Variants in MRTFB observed in about 807,000 individuals in gnomAD.
MRTFB encodes the protein myocardin-related transcription factor B.
MRTFB carries 29 observed loss-of-function variants against 104.2 expected under a neutral mutation model. That is an observed-to-expected ratio of 0.28 (90% CI 0.21 to 0.38). The LOEUF is 0.38. Among genes scored for constraint, MRTFB ranks in the 10% least tolerant of loss-of-function variants. The pLI is 1.00. For missense variants in MRTFB, 1,270 were observed against 1,341.6 expected, an observed-to-expected ratio of 0.95 and a Z score of 0.83; for synonymous variants, 535 against 519.5, an observed-to-expected ratio of 1.03 and a Z score of -0.41.
intron 10 of MRTFB, among the ~76,000 whole-genome samples, chr16:14,244,949 G>A (rs932317283): frequency 2.6e-5 from 4 of 152,162 alleles, no homozygotes; most frequent in Non-Finnish European, 4.4e-5. Context: ...ACTATCCTGA[G>A]TGTTTTTCTG....
At chr16:14,003,636 GCCTGCCTCCCTCCCTCCCTC>G in the MRTFB span, among the ~76,000 whole-genome samples, 2 of 31,572 alleles carry the variant, frequency 6.3e-5, no homozygotes, top group East Asian at 5.7e-4. Flanking sequence ...CTGCCTGCCT[GCCTGCCTCCCTCCCTCCCTC>G]CCTCCCTCCC....
intron 3 of MRTFB, among the ~76,000 whole-genome samples, chr16:14,186,002 C>T (rs895678254): frequency 1.3e-5 from 2 of 152,128 alleles, no homozygotes; most frequent in Non-Finnish European, 1.5e-5. Context: ...CATTGGTTTA[C>T]TCTGTTATGA....
At position 14,260,881 on chromosome 16, in the gene MRTFB, T is replaced by A. The variant is rs529375329; in HGVS notation, c.2765-28T>A. On this transcript the variant is annotated intron_variant, in intron 16 of 16. Coordinates refer to ENST00000571589, the MANE Select transcript of MRTFB (RefSeq NM_001308142.2). ...TTTTAAGTAGTAGTAAATCTTCAGT[T>A]ACTAATTACTTCATTTATTTTACAC... 3 of 1,553,298 alleles carry A rather than the reference T, an allele frequency of 1.9e-6. No homozygotes were observed. The South Asian group carries it at 3.7e-5, about 19-fold the overall frequency.
the MRTFB span, among the ~76,000 whole-genome samples, chr16:14,040,014 C>T: frequency 6.6e-6 from 1 of 152,148 alleles, no homozygotes; most frequent in Non-Finnish European, 1.5e-5. Context: ...TCCCAAAGTG[C>T]TGGGATTATA....
chr16:14,019,212 G>A, the MRTFB span: 9 of 152,286 alleles, frequency 5.9e-5, no homozygotes, highest in East Asian at 1.9e-4. Flanking sequence ...TTTCCACCCC[G>A]TTGATTCCTG....
intron 2 of MRTFB, among the ~76,000 whole-genome samples, chr16:14,101,689 A>C (rs2035709901): frequency 6.6e-6 from 1 of 152,244 alleles, no homozygotes; most frequent in East Asian, 1.9e-4. Context: ...GAGGAGGAAA[A>C]CTTGGGGGTA....
chr16:14,127,629 C>T (rs1458238670), intron 2 of MRTFB, among the ~76,000 whole-genome samples: 4 of 142,772 alleles, frequency 2.8e-5, no homozygotes, highest in Middle Eastern at 3.3e-3. Context: ...GGGGACAGAG[C>T]GAGACTCTGT....
At chr16:14,148,771 G>GA (rs1481853237) in intron 3 of MRTFB, 2 of 152,626 alleles carry the variant, frequency 1.3e-5, no homozygotes, top group Non-Finnish European at 2.9e-5. Flanking sequence ...TGCCCATTAT[G>GA]ACATCCGTAC....
intron 6 of MRTFB, among the ~76,000 whole-genome samples, chr16:14,214,707 G>A (rs2041341020): frequency 1.3e-5 from 2 of 152,192 alleles, no homozygotes; most frequent in Admixed American, 1.3e-4. Context: ...CAGATTGTGA[G>A]AAGAGCTCTG....
chr16:14,120,448 C>T (rs2036786787), intron 2 of MRTFB, among the ~76,000 whole-genome samples: 1 of 151,898 alleles, frequency 6.6e-6, no homozygotes. Context: ...AGGTCTAATC[C>T]ATGTGCAATT....
In MRTFB at chr16:14,103,207, T is replaced by C. The variant is rs1035812273; in HGVS notation, c.-64+23853T>C. ...GTGATGTCTGTTTTCTTGTCTGGCT[T>C]CCTTACTTACCTTAAAGTCAGGGAA... is the stretch of plus-strand genomic sequence containing the variant. On this transcript the variant is annotated intron_variant, in intron 2 of 16. Transcript: ENST00000571589. Among the ~76,000 whole-genome samples, 49 of 152,186 alleles carry C rather than the reference T, an allele frequency of 3.2e-4. 2 individuals carry two copies. The highest frequency in any genetic ancestry group is 1.5e-5 in the Non-Finnish European group (1 of 68,032).
chr16:14,179,895 G>C (rs1170973876), intron 3 of MRTFB, among the ~76,000 whole-genome samples: 1 of 152,128 alleles, frequency 6.6e-6, no homozygotes, highest in Admixed American at 6.5e-5. Flanking sequence ...AACTTTAACG[G>C]CAGCACGACA....
chr16:14,125,221 A>G (rs1447432491), intron 2 of MRTFB, among the ~76,000 whole-genome samples: 1 of 152,244 alleles, frequency 6.6e-6, no homozygotes, highest in African/African-American at 2.4e-5. Context: ...TGTCTCTCTC[A>G]GAGAGGTGGG....
chr16:14,188,936 G>A (rs553349011), intron 3 of MRTFB, among the ~76,000 whole-genome samples: 3 of 152,250 alleles, frequency 2.0e-5, no homozygotes, highest in African/African-American at 7.2e-5. Context: ...AGAGGTAGAG[G>A]AGAGAAACTT....
the MRTFB span, among the ~76,000 whole-genome samples, chr16:14,014,890 T>C: frequency 2.6e-5 from 4 of 151,772 alleles, no homozygotes; most frequent in African/African-American, 7.3e-5. Flanking sequence ...AATAAAAAAC[T>C]CTCAGTTCGG....
intron 2 of MRTFB, among the ~76,000 whole-genome samples, chr16:14,117,297 C>T (rs960203141): frequency 6.6e-6 from 1 of 152,240 alleles, no homozygotes; most frequent in Non-Finnish European, 1.5e-5. Flanking sequence ...AAGGCGCTCC[C>T]AGCCCAGTGA....
intron 2 of MRTFB, among the ~76,000 whole-genome samples, chr16:14,108,102 A>C (rs1412587668): frequency 1.3e-5 from 2 of 152,186 alleles, no homozygotes; most frequent in Non-Finnish European, 2.9e-5. Context: ...AATAATTTCT[A>C]CCTGGCTTCA....
intron 3 of MRTFB, among the ~76,000 whole-genome samples, chr16:14,199,608 A>G (rs2040593810): frequency 6.6e-6 from 1 of 152,152 alleles, no homozygotes; most frequent in African/African-American, 2.4e-5. Flanking sequence ...TCCTCCTTCA[A>G]ACACACTGTC....
At chr16:14,122,643 C>T (rs986800284) in intron 2 of MRTFB, among the ~76,000 whole-genome samples, 3 of 152,134 alleles carry the variant, frequency 2.0e-5, no homozygotes. Context: ...CATAGTATTC[C>T]GTGGTGTATA....
Sources: gnomAD v4.1 joint callset for allele counts (sites outside exome capture counted in the v4.1 genomes callset) on GRCh38, gnomAD v4.1.1 for gene constraint, MANE v1.5 for transcripts, NCBI Gene and HGNC (gene_info 2026-07-23, HGNC 2026-07-21) for gene names.